Variants in PRUNE2 observed in about 807,000 individuals in gnomAD.
The protein encoded by PRUNE2 is protein prune homolog 2.
PRUNE2 carries 164 observed loss-of-function variants against 252.0 expected under a neutral mutation model. The ratio of observed to expected loss-of-function variants is 0.65; its 90% CI spans 0.57 to 0.74. The LOEUF (loss-of-function observed/expected upper bound fraction) is 0.74. Among genes scored for constraint, PRUNE2 ranks in the 30% least tolerant of loss-of-function variants. The pLI, the probability that PRUNE2 is intolerant of heterozygous loss-of-function variation, is 0.00. For missense variants in PRUNE2, 3,495 were observed against 3,711.0 expected (o/e 0.94, Z 1.51); for synonymous variants, 1,292 against 1,350.2 (o/e 0.96, Z 0.94).
intron 14 of PRUNE2, 116 bp from the exon 15 acceptor site, chr9:76,636,673 C>T: frequency 4.7e-6 from 3 of 643,544 alleles, no homozygotes; most frequent in Non-Finnish European, 8.1e-6. Context: ...CATGGTAGCT[C>T]ATGCCTATAA....
intron 1 of PRUNE2, among the ~76,000 whole-genome samples, chr9:76,885,345 C>T (rs2062027548): frequency 6.6e-6 from 1 of 152,034 alleles, no homozygotes; most frequent in Non-Finnish European, 1.5e-5. Flanking sequence ...GCTATAAAGG[C>T]TGAAAAAGTG....
At chr9:76,676,859 G>C (rs2042679909) in intron 9 of PRUNE2, among the ~76,000 whole-genome samples, 1 of 152,176 alleles carries the variant, frequency 6.6e-6, no homozygotes, top group East Asian at 1.9e-4. Flanking sequence ...AAGCACATGA[G>C]CTGAAATGTT....
intron 6 of PRUNE2, among the ~76,000 whole-genome samples, chr9:76,755,344 G>GA (rs973586689): frequency 1.3e-5 from 2 of 152,020 alleles, no homozygotes; most frequent in African/African-American, 4.8e-5. Context: ...GTAAACGAAT[G>GA]AAAAAAAGAT....
chr9:76,624,081 G>C (rs961079677), intron 17 of PRUNE2, among the ~76,000 whole-genome samples: 2 of 152,124 alleles, frequency 1.3e-5, no homozygotes, highest in Admixed American at 6.5e-5. Context: ...ATCTCGATGT[G>C]TTATTATTCC....
chr9:76,897,263 T>C lies in PRUNE2; in HGVS notation c.36+8665A>G, dbSNP rs2062875818. Among the ~76,000 whole-genome samples the C allele has an allele frequency of 2.0e-5, 3 of 152,044 alleles. No individual in the cohort carries two copies. The South Asian group carries it at 6.2e-4, about 32-fold the overall frequency. ...CACTTTTAATTTAACAAGAATGAAA[T>C]GTTCCAGGAGATCTTGGGGGAAGAG... is the stretch of plus-strand genomic sequence containing the variant. On this transcript the variant is annotated intron_variant, in intron 1 of 18. Coordinates refer to ENST00000376718, the MANE Select transcript of PRUNE2 (RefSeq NM_015225.3).
intron 6 of PRUNE2, among the ~76,000 whole-genome samples, chr9:76,715,356 C>A (rs543448864): frequency 6.6e-6 from 1 of 152,322 alleles, no homozygotes; most frequent in East Asian, 1.9e-4. Flanking sequence ...GCACACAAGA[C>A]CCTGGGTAGG....
chr9:76,717,501 A>G (rs2047254388), intron 6 of PRUNE2, among the ~76,000 whole-genome samples: 1 of 152,018 alleles, frequency 6.6e-6, no homozygotes, highest in Admixed American at 6.6e-5. Flanking sequence ...TCTGCCTTCT[A>G]CCTGATAAAT....
At chr9:76,841,954 A>G (rs1214303606) in intron 4 of PRUNE2, among the ~76,000 whole-genome samples, 5 of 152,182 alleles carry the variant, frequency 3.3e-5, no homozygotes, top group Non-Finnish European at 5.9e-5. Flanking sequence ...CTGAGAAGAA[A>G]GCTACCACTG....
At chr9:76,615,001 T>C in intron 18 of PRUNE2, 2 of 640,400 alleles carry the variant, frequency 3.1e-6, no homozygotes, top group Non-Finnish European at 3.9e-6. Flanking sequence ...GTAAGTAATG[T>C]CTGACAAGCA....
intron 6 of PRUNE2, among the ~76,000 whole-genome samples, chr9:76,745,384 T>C (rs2050010608): frequency 6.6e-6 from 1 of 152,182 alleles, no homozygotes; most frequent in Admixed American, 6.5e-5. Context: ...GACGTACAAC[T>C]TCCCCCATCA....
At chr9:76,666,798 G>A (rs764513639) in intron 9 of PRUNE2, among the ~76,000 whole-genome samples, 1 of 152,026 alleles carries the variant, frequency 6.6e-6, no homozygotes, top group South Asian at 2.1e-4. Context: ...TCTCGTCTCC[G>A]CACACAGGGA....
Position 76,653,804 on chromosome 9 carries a change from T to A in PRUNE2, c.8357-1121A>T, listed in dbSNP as rs138454081. Reference sequence around the variant, plus strand: ...GCTCTTATGCCAATCTCGCTTGACATTGGTTCCCATAACATAAGTGACAAT... The same window carrying A: ...GCTCTTATGCCAATCTCGCTTGACAATGGTTCCCATAACATAAGTGACAAT... On this transcript the variant is annotated intron_variant, in intron 10 of 18. Coordinates refer to ENST00000376718, the MANE Select transcript of PRUNE2 (RefSeq NM_015225.3). Among the ~76,000 whole-genome samples the A allele has an allele frequency of 6.2e-3, 938 of 152,260 alleles. 4 individuals are homozygous for A. Among genetic ancestry groups the A allele is most frequent in the Middle Eastern group, 0.02 (6 of 294 alleles).
At chr9:76,781,470 C>T (rs908383065) in intron 6 of PRUNE2, among the ~76,000 whole-genome samples, 2 of 152,222 alleles carry the variant, frequency 1.3e-5, no homozygotes, top group Admixed American at 6.5e-5. Flanking sequence ...GCCTGGAATG[C>T]TCTTACCCCT....
At chr9:76,630,250 T>A (rs2132350165) in intron 15 of PRUNE2, among the ~76,000 whole-genome samples, 1 of 149,464 alleles carries the variant, frequency 6.7e-6, no homozygotes, top group African/African-American at 2.5e-5. Flanking sequence ...TTAGTTTATT[T>A]TAAAAATTTT....
chr9:76,766,847 C>T (rs183225535), intron 6 of PRUNE2, among the ~76,000 whole-genome samples: 1 of 152,194 alleles, frequency 6.6e-6, no homozygotes, highest in Non-Finnish European at 1.5e-5. Context: ...CACTGTTCTG[C>T]GGTCCAACCC....
rs141684619 is a variant in PRUNE2, at chr9:76,611,618, G to A, written c.*2952C>T. On this transcript the variant is annotated 3_prime_UTR_variant, in exon 19 of 19. Transcript: ENST00000376718. The stretch of plus-strand genomic sequence containing the variant: ...AACTACTGAGGCATTGTGATAAGAC[G>A]AGAGTTGCAAACATAGTACCATAAC... 2.6e-5 allele frequency: 4 copies of A among 152,686 alleles called. No homozygotes were observed. Among genetic ancestry groups the A allele is most frequent in the Non-Finnish European group, 4.4e-5 (3 of 68,030 alleles). The allele number at this position is 152,686 out of a possible 1,614,324, so 9.5% of individuals were successfully genotyped here.
At chr9:76,871,049 A>G (rs984659168) in intron 1 of PRUNE2, among the ~76,000 whole-genome samples, 14 of 152,200 alleles carry the variant, frequency 9.2e-5, no homozygotes, top group African/African-American at 3.4e-4. Flanking sequence ...ATCCTACGTT[A>G]TCCCTATGTG....
At chr9:76,636,960 GACA>G (rs1395315034) in intron 14 of PRUNE2, among the ~76,000 whole-genome samples, 1 of 114,842 alleles carries the variant, frequency 8.7e-6, no homozygotes, top group Non-Finnish European at 1.9e-5. Flanking sequence ...CAACAACAAC[GACA>G]ACAACAAAAA....
Position 76,800,209 on chromosome 9 carries a change from C to A in PRUNE2, c.756+23423G>T, listed in dbSNP as rs547971244. ...ATGCTATCCCTCCCCCATACCCCCACCCCGCGACAGGCCCCCGTGTGTGAT... is the reference window on the plus strand; with the variant it reads ...ATGCTATCCCTCCCCCATACCCCCAACCCGCGACAGGCCCCCGTGTGTGAT... On this transcript the variant is annotated intron_variant, in intron 6 of 18. Transcript: ENST00000376718. Among the ~76,000 whole-genome samples, 8 of 151,992 alleles carry A rather than the reference C, an allele frequency of 5.3e-5. No individual in the cohort carries two copies. In the South Asian group the frequency reaches 1.7e-3, roughly 32 times the overall value.
Sources: allele counts gnomAD v4.1 joint callset (sites outside exome capture counted in the v4.1 genomes callset), GRCh38; gene constraint gnomAD v4.1.1; transcripts MANE v1.5; gene names NCBI Gene and HGNC (gene_info 2026-07-23, HGNC 2026-07-21).